Variants in PPP2R5C observed in about 807,000 individuals in gnomAD.
PPP2R5C encodes the protein serine/threonine-protein phosphatase 2A 56 kDa regulatory subunit gamma isoform.
Under a neutral mutation model 68.9 loss-of-function variants are expected in PPP2R5C, and 7 were observed. The observed-to-expected ratio is 0.10, with a 90% CI of 0.06 to 0.19. The LOEUF (loss-of-function observed/expected upper bound fraction) is 0.19, where lower values mean the gene tolerates loss of function less well. Ranked by LOEUF, PPP2R5C falls within the 10% of genes least tolerant of loss-of-function variation. The pLI is 1.00. For synonymous variants in PPP2R5C, 210 were observed against 222.2 expected, an observed-to-expected ratio of 0.95 and a Z score of 0.49; for missense variants, 348 against 641.3, an observed-to-expected ratio of 0.54 and a Z score of 4.94.
At chr14:101,903,148 G>A (rs1354578019) in intron 9 of PPP2R5C, among the ~76,000 whole-genome samples, 1 of 151,942 alleles carries the variant, frequency 6.6e-6, no homozygotes, top group Non-Finnish European at 1.5e-5. Flanking sequence ...CGGAGCCCTG[G>A]CTGAAGTACA....
chr14:101,815,569 C>G (rs1440430794), intron 1 of PPP2R5C, among the ~76,000 whole-genome samples: 2 of 152,268 alleles, frequency 1.3e-5, no homozygotes, highest in Non-Finnish European at 2.9e-5. Flanking sequence ...AACTTGTTCT[C>G]TGGTGACACT....
At chr14:101,794,093 CAG>C (rs769139936) in intron 3 of PPP2R5C, among the ~76,000 whole-genome samples, 1 of 152,218 alleles carries the variant, frequency 6.6e-6, no homozygotes, top group Non-Finnish European at 1.5e-5. Flanking sequence ...AGTGGGGAAA[CAG>C]GAATGCATGT....
At chr14:101,811,464 T>C (rs2039358802) in intron 1 of PPP2R5C, among the ~76,000 whole-genome samples, 2 of 152,112 alleles carry the variant, frequency 1.3e-5, no homozygotes, top group African/African-American at 4.8e-5. Flanking sequence ...CCTCAGTTTC[T>C]TGAGTAGCTG....
intron 1 of PPP2R5C, among the ~76,000 whole-genome samples, chr14:101,811,150 C>T (rs926145759): frequency 2.6e-5 from 4 of 152,126 alleles, no homozygotes; most frequent in East Asian, 1.9e-4. Flanking sequence ...GCTTTTCTCT[C>T]CAAACTATCT....
chr14:101,829,775 C>G (rs1464538679), intron 1 of PPP2R5C, among the ~76,000 whole-genome samples: 2 of 152,132 alleles, frequency 1.3e-5, no homozygotes, highest in Non-Finnish European at 2.9e-5. Flanking sequence ...CACATGGTGG[C>G]CTCCCTGCCC....
chr14:101,780,554 C>T (rs2037625316), intron 2 of PPP2R5C, among the ~76,000 whole-genome samples: 1 of 152,112 alleles, frequency 6.6e-6, no homozygotes, highest in South Asian at 2.1e-4. Context: ...GGCTCGACTG[C>T]CCGGTGCTGC....
rs1178889802 is a variant in PPP2R5C, at chr14:101,781,848, AGCCGTGGCCGTG to A, written c.94-4160_94-4149del. ...TCCCGTCTCGGGGGCTTCATCCTCC[AGCCGTGGCCGTG>A]GCCGTGGCCAGGTGTACCGGAGCGG... is the stretch of plus-strand genomic sequence containing the variant. On this transcript the variant is annotated intron_variant, in intron 2 of 14. Transcript: ENST00000328724. This position sits in a 1 kb window ranked among gnomAD's most constrained non-coding sequence, Gnocchi z 6.4. Among the ~76,000 whole-genome samples the A allele has an allele frequency of 6.6e-6, 1 of 151,512 alleles. No homozygotes were observed. Among genetic ancestry groups the A allele is most frequent in the African/African-American group, 2.4e-5 (1 of 41,204 alleles).
intron 2 of PPP2R5C, among the ~76,000 whole-genome samples, chr14:101,878,719 T>G (rs569199135): frequency 6.6e-6 from 1 of 152,320 alleles, no homozygotes; most frequent in South Asian, 2.1e-4. Flanking sequence ...AGCTGCAGTT[T>G]GGGTCTCACA....
At chr14:101,830,183 T>C (rs374179880) in intron 1 of PPP2R5C, among the ~76,000 whole-genome samples, 1 of 152,208 alleles carries the variant, frequency 6.6e-6, no homozygotes, top group African/African-American at 2.4e-5. Context: ...ACAAATATGT[T>C]CTAATCCATA....
At chr14:101,768,396 TATATC>T (rs1239459888) in intron 2 of PPP2R5C, among the ~76,000 whole-genome samples, 1 of 152,254 alleles carries the variant, frequency 6.6e-6, no homozygotes, top group Non-Finnish European at 1.5e-5. Context: ...TTTAGTGAGT[TATATC>T]TATCTACCGA....
chr14:101,901,613 G>A, intron 8 of PPP2R5C, 106 bp from the exon 11 acceptor site: 1 of 1,101,400 alleles, frequency 9.1e-7, no homozygotes, highest in South Asian at 1.3e-5. Context: ...CCATCTCCGT[G>A]TGTTGCCTTG....
chr14:101,835,404 G>A lies in PPP2R5C; in HGVS notation c.95-21282G>A, dbSNP rs1490307121. Among the ~76,000 whole-genome samples, 1 of 152,190 alleles carries A rather than the reference G, an allele frequency of 6.6e-6. No homozygotes were observed. The highest frequency in any genetic ancestry group is 1.5e-5 in the Non-Finnish European group (1 of 68,036). On this transcript the variant is annotated intron_variant, in intron 1 of 13. Transcript: ENST00000334743. This position sits in a 1 kb window ranked among gnomAD's most constrained non-coding sequence, Gnocchi z 5.0. ...TGAGTGCTCAAGAGAACTCAGTAGA[G>A]GGGAATGTTGATGATTCAGGTATTT...
intron 5 of PPP2R5C, among the ~76,000 whole-genome samples, chr14:101,884,090 C>CCCCT (rs1187444753): frequency 6.6e-6 from 1 of 152,164 alleles, no homozygotes; most frequent in Non-Finnish European, 1.5e-5. Context: ...AGCCCAGGAG[C>CCCCT]CCCTGGCAAA....
At chr14:101,880,763 CCAGCCTGGG>C (rs974149590) in intron 2 of PPP2R5C, among the ~76,000 whole-genome samples, 6 of 152,086 alleles carry the variant, frequency 3.9e-5, no homozygotes, top group African/African-American at 1.4e-4. Flanking sequence ...CCACTGTACT[CCAGCCTGGG>C]CAGCAGAGAG....
chr14:101,895,055 G>C (rs2045222372), intron 8 of PPP2R5C, among the ~76,000 whole-genome samples: 2 of 152,076 alleles, frequency 1.3e-5, no homozygotes, highest in South Asian at 4.2e-4. Flanking sequence ...GCTGTTCTGT[G>C]CGTGGATCTG....
At chr14:101,831,642 G>A (rs759151015) in intron 1 of PPP2R5C, 38 of 636,726 alleles carry the variant, frequency 6.0e-5, no homozygotes, top group East Asian at 8.3e-5. Context: ...ACCCTTGAAC[G>A]TCACAAGTTT....
In PPP2R5C at chr14:101,797,575, A is replaced by C; in HGVS notation, c.259+11392A>C. The C allele has an allele frequency of 4.3e-6, 1 of 232,688 alleles. No homozygotes were observed. The highest frequency in any genetic ancestry group is 8.7e-6 in the Non-Finnish European group (1 of 114,444). The allele number at this position is 232,688 out of a possible 1,614,324, so 14.4% of individuals were successfully genotyped here. A position where few individuals can be genotyped will look rare whatever the true frequency, so the allele number is the denominator to read the frequency against. ...CCCAGCCAGGGCCACCTATCCCTTC[A>C]CCTCCCTCCACCTCGGATTTCCTCT... On this transcript the variant is annotated intron_variant, in intron 3 of 14. Transcript: ENST00000328724. This position sits in a 1 kb window ranked among gnomAD's most constrained non-coding sequence, Gnocchi z 4.2.
intron 1 of PPP2R5C, among the ~76,000 whole-genome samples, chr14:101,762,247 C>T (rs1218417464): frequency 6.6e-6 from 1 of 151,974 alleles, no homozygotes; most frequent in Non-Finnish European, 1.5e-5. Flanking sequence ...GACAGCGCGC[C>T]GTGGGCTTGG....
At chr14:101,794,136 C>T (rs899195904) in intron 3 of PPP2R5C, among the ~76,000 whole-genome samples, 3 of 152,192 alleles carry the variant, frequency 2.0e-5, no homozygotes, top group African/African-American at 7.2e-5. Flanking sequence ...CCAGGCTTTT[C>T]GGCTTGAGGC....
Sources: allele counts gnomAD v4.1 joint callset (sites outside exome capture counted in the v4.1 genomes callset), GRCh38; gene constraint gnomAD v4.1.1; non-coding constraint Gnocchi (gnomAD v3.1); transcripts MANE v1.5; gene names NCBI Gene and HGNC (gene_info 2026-07-23, HGNC 2026-07-21).